The following TTC7B variants were observed in gnomAD, a reference collection of about 807,000 sequenced individuals.
TTC7B encodes the protein tetratricopeptide repeat protein 7B.
Under a neutral mutation model 106.8 loss-of-function variants are expected in TTC7B, and 28 were observed. The ratio of observed to expected loss-of-function variants is 0.26; its 90% confidence interval spans 0.19 to 0.36. TTC7B has a LOEUF of 0.36. TTC7B is among the 10% of genes least tolerant of loss of function. The probability of loss-of-function intolerance (pLI) is 1.00; values close to 1 mark genes in which losing one functional copy is unlikely to be tolerated. For synonymous variants in TTC7B, 405 were observed against 430.6 expected, an observed-to-expected ratio of 0.94 and a Z score of 0.74; for missense variants, 862 against 1,076.4, an observed-to-expected ratio of 0.80 and a Z score of 2.79.
chr14:90,615,478 C>G (rs1893032340), intron 16 of TTC7B, among the ~76,000 whole-genome samples: 1 of 152,236 alleles, frequency 6.6e-6, no homozygotes, highest in African/African-American at 2.4e-5. Context: ...AAAATGCTTT[C>G]TGCTCAGTTT....
chr14:90,675,278 C>A (rs1886785711), intron 9 of TTC7B: 1 of 152,188 alleles, frequency 6.6e-6, no homozygotes, highest in Admixed American at 6.5e-5. Flanking sequence ...TGTGTTTTGT[C>A]TGGAGGAACG....
intron 1 of TTC7B, among the ~76,000 whole-genome samples, chr14:90,788,383 A>G (rs1316749592): frequency 6.6e-6 from 1 of 152,208 alleles, no homozygotes; most frequent in Non-Finnish European, 1.5e-5. Context: ...GGACTCAGGA[A>G]CGAAGGACAT....
In TTC7B at chr14:90,575,428, C is replaced by G. The variant is rs1024944683; in HGVS notation, c.2310+2678G>C. Among the ~76,000 whole-genome samples, 1 of 152,208 alleles carries G rather than the reference C, an allele frequency of 6.6e-6. No individual in the cohort carries two copies. The highest frequency in any genetic ancestry group is 2.4e-5 in the African/African-American group (1 of 41,450). ...CCTCTAGGGTATACGTGAAGACCCC[C>G]TTCCTCCCTTCCTCCATCGAAGGGC... is the stretch of plus-strand genomic sequence containing the variant. On this transcript the variant is annotated intron_variant, in intron 19 of 19. Coordinates refer to ENST00000328459, the MANE Select transcript of TTC7B (RefSeq NM_001010854.2). This position sits in a 1 kb window ranked among gnomAD's most constrained non-coding sequence, Gnocchi z 5.2.
chr14:90,670,275 CT>C (rs1419383667), intron 9 of TTC7B, among the ~76,000 whole-genome samples: 1 of 152,004 alleles, frequency 6.6e-6, no homozygotes, highest in East Asian at 1.9e-4. Context: ...TGCCTGATTC[CT>C]TTTATATGAG....
chr14:90,776,805 G>A (rs532515929), intron 3 of TTC7B, among the ~76,000 whole-genome samples: 1 of 152,314 alleles, frequency 6.6e-6, no homozygotes, highest in South Asian at 2.1e-4. Flanking sequence ...CCTAGAGCCA[G>A]TCTCTGAGGT....
At chr14:90,726,517 G>C (rs370642183) in intron 5 of TTC7B, among the ~76,000 whole-genome samples, 4 of 152,192 alleles carry the variant, frequency 2.6e-5, no homozygotes, top group Admixed American at 2.6e-4. Context: ...AGTCAGCCAG[G>C]CGTCGTCACC....
intron 11 of TTC7B, among the ~76,000 whole-genome samples, chr14:90,656,748 G>A (rs1398815410): frequency 1.3e-5 from 2 of 152,078 alleles, no homozygotes; most frequent in African/African-American, 2.4e-5. Flanking sequence ...AGCTCTGATC[G>A]TGCACTCCAG....
chr14:90,746,127 G>A (rs1302333219), intron 3 of TTC7B, among the ~76,000 whole-genome samples: 4 of 151,962 alleles, frequency 2.6e-5, no homozygotes, highest in South Asian at 2.1e-4. Context: ...CCTCTCTTTC[G>A]ATTTTCTGAG....
intron 5 of TTC7B, among the ~76,000 whole-genome samples, chr14:90,717,778 C>G (rs537535719): frequency 6.6e-6 from 1 of 152,320 alleles, no homozygotes; most frequent in Admixed American, 6.5e-5. Flanking sequence ...CACCTAAACC[C>G]GGGAAGGGAA....
chr14:90,679,261 T>A (rs971981880), intron 8 of TTC7B, among the ~76,000 whole-genome samples: 1 of 152,184 alleles, frequency 6.6e-6, no homozygotes, highest in African/African-American at 2.4e-5. Context: ...CTTGTAAACA[T>A]CAGTGGACCA....
chr14:90,595,158 C>A (rs1056947729), intron 17 of TTC7B, among the ~76,000 whole-genome samples: 1 of 152,106 alleles, frequency 6.6e-6, no homozygotes, highest in African/African-American at 2.4e-5. Context: ...ATGGTGAAAC[C>A]CTGTCTCTAC....
chr14:90,724,572 G>A (rs923039449), intron 5 of TTC7B, among the ~76,000 whole-genome samples: 3 of 152,026 alleles, frequency 2.0e-5, no homozygotes, highest in Non-Finnish European at 2.9e-5. Flanking sequence ...ACCCTGCCTC[G>A]CCCTCACTCT....
intron 6 of TTC7B, among the ~76,000 whole-genome samples, chr14:90,691,492 T>C (rs970010827): frequency 2.0e-5 from 3 of 152,240 alleles, no homozygotes; most frequent in Non-Finnish European, 4.4e-5. Flanking sequence ...ACCAGCAAGA[T>C]CACCAATATC....
At chr14:90,653,243 C>T (rs192906249) in intron 12 of TTC7B, among the ~76,000 whole-genome samples, 1 of 152,330 alleles carries the variant, frequency 6.6e-6, no homozygotes, top group Admixed American at 6.5e-5. Context: ...GCATGTAACT[C>T]AGGGGAACGA....
rs1233244598 is a variant in TTC7B at position 90,600,904 on chromosome 14, G to A, written c.1967-7278C>T. Among the ~76,000 whole-genome samples, 1 of 152,188 alleles carries A rather than the reference G, an allele frequency of 6.6e-6. No homozygotes were observed. Among genetic ancestry groups the A allele is most frequent in the Non-Finnish European group, 1.5e-5 (1 of 68,030 alleles). ...AACCCTCCCTGATGCATATTCATGAGGCTGTGTCTTGGGGTGGAAGTGCCT... is the reference window on the plus strand; with the variant it reads ...AACCCTCCCTGATGCATATTCATGAAGCTGTGTCTTGGGGTGGAAGTGCCT... On this transcript the variant is annotated intron_variant, in intron 17 of 19. Coordinates refer to ENST00000328459, the MANE Select transcript of TTC7B (RefSeq NM_001010854.2). The surrounding 1 kb of genome is among the most constrained non-coding windows in gnomAD (Gnocchi z 4.3).
At chr14:90,695,030 T>A (rs1566840611) in intron 6 of TTC7B, among the ~76,000 whole-genome samples, 6 of 50,468 alleles carry the variant, frequency 1.2e-4, no homozygotes, top group African/African-American at 1.9e-4. Context: ...TATATGTATA[T>A]TTTTTATTTT....
rs908356224 is a variant in TTC7B at position 90,573,629 on chromosome 14, T to G, written c.2310+4477A>C. Among the ~76,000 whole-genome samples, 3 of 146,022 alleles carry G rather than the reference T, an allele frequency of 2.1e-5. No individual in the cohort carries two copies. The East Asian group carries it at 6.3e-4, about 30-fold the overall frequency. ...CAGCTCACGGTCCCTCTCTGGCTCA[T>G]GGTCCCTTTCGGGCTCATGGTCCCT... On this transcript the variant is annotated intron_variant, in intron 19 of 19. Coordinates refer to ENST00000328459, the MANE Select transcript of TTC7B (RefSeq NM_001010854.2).
intron 5 of TTC7B, among the ~76,000 whole-genome samples, chr14:90,719,507 C>A (rs1409596088): frequency 2.6e-5 from 4 of 152,108 alleles, no homozygotes; most frequent in African/African-American, 9.7e-5. Context: ...TGAGCATATC[C>A]CTTGGAAGAC....
chr14:90,587,791 C>T (rs1322311919), intron 18 of TTC7B, among the ~76,000 whole-genome samples: 5 of 152,160 alleles, frequency 3.3e-5, no homozygotes, highest in East Asian at 1.9e-4. Flanking sequence ...CAACTGAGTG[C>T]CTACTGTGGG....
Sources: gnomAD v4.1 joint callset for allele counts (sites outside exome capture counted in the v4.1 genomes callset) on GRCh38, gnomAD v4.1.1 for gene constraint, Gnocchi (gnomAD v3.1) non-coding constraint, MANE v1.5 for transcripts, NCBI Gene and HGNC (gene_info 2026-07-23, HGNC 2026-07-21) for gene names.